KDM6A: variants seen among roughly 807,000 people sequenced by gnomAD.
The protein encoded by KDM6A is lysine demethylase 6A.
Under a neutral mutation model 117.6 loss-of-function variants are expected in KDM6A, and 11 were observed. The ratio of observed to expected loss-of-function variants is 0.09; its 90% CI spans 0.06 to 0.15. The LOEUF (loss-of-function observed/expected upper bound fraction) is 0.15, where lower values mean the gene tolerates loss of function less well. Among genes scored for constraint, KDM6A ranks in the 10% least tolerant of loss-of-function variants. KDM6A has a pLI of 1.00. For synonymous variants in KDM6A, 384 were observed against 396.1 expected (o/e 0.97, Z 0.36); for missense variants, 799 against 1,077.3 (o/e 0.74, Z 3.62).
At chrX:44,880,955 A>G (rs750273282) in intron 2 of KDM6A, among the ~76,000 whole-genome samples, 2 of 112,221 alleles carry the variant, frequency 1.8e-5, no homozygotes, top group East Asian at 5.6e-4. Context: ...TTTGAACTTG[A>G]TGTTCCTTCA....
intron 2 of KDM6A, among the ~76,000 whole-genome samples, chrX:44,930,596 G>T (rs2146957386): frequency 8.9e-6 from 1 of 112,019 alleles, no homozygotes; most frequent in African/African-American, 3.2e-5. Context: ...ATTTGCCACA[G>T]TGCAGTTTAC....
intron 2 of KDM6A, among the ~76,000 whole-genome samples, chrX:44,877,111 C>G: frequency 9.0e-6 from 1 of 111,302 alleles, no homozygotes; most frequent in Non-Finnish European, 1.9e-5. Context: ...ATGTACATAT[C>G]TATATGTGTA....
intron 2 of KDM6A, among the ~76,000 whole-genome samples, chrX:44,905,636 G>A (rs2034606303): frequency 8.9e-6 from 1 of 111,992 alleles, no homozygotes; most frequent in Non-Finnish European, 1.9e-5. Flanking sequence ...TTAAATTGCT[G>A]TTTTAAAGTT....
intron 6 of KDM6A, among the ~76,000 whole-genome samples, chrX:45,033,448 C>A (rs1276402057): frequency 1.8e-5 from 2 of 111,795 alleles, no homozygotes; most frequent in Non-Finnish European, 3.8e-5. Context: ...CTGCATTGTC[C>A]TTAGGGCATT....
intron 3 of KDM6A, among the ~76,000 whole-genome samples, chrX:44,973,034 C>A (rs868094258): frequency 4.1e-5 from 4 of 98,415 alleles, no homozygotes; most frequent in Non-Finnish European, 4.1e-5. Flanking sequence ...GACCCCATCT[C>A]AAAAAAAAAA....
chrX:44,879,316 T>C (rs1428632728), intron 2 of KDM6A, among the ~76,000 whole-genome samples: 2 of 112,333 alleles, frequency 1.8e-5, no homozygotes, highest in Non-Finnish European at 3.8e-5. Context: ...TAATAATATT[T>C]TTGAAATGTG....
Position 45,011,292 on chromosome X carries a change from T to C in KDM6A, c.443+273T>C, listed in dbSNP as rs5952284. Among the ~76,000 whole-genome samples the C allele has an allele frequency of 0.22, 24,210 of 110,768 alleles. 4,359 individuals are homozygous for C. The highest frequency in any genetic ancestry group is 0.61 in the African/African-American group (18,361 of 30,182). On this transcript the variant is annotated intron_variant, in intron 5 of 29. Coordinates refer to ENST00000611820, the MANE Select transcript of KDM6A (RefSeq NM_001291415.2). ...GATTAGAAAGCTTTTTGGAATTTCT[T>C]AGTCATTCATTATGGACTGGTGTTC... is the stretch of plus-strand genomic sequence containing the variant.
chrX:45,081,572 A>T (rs2045405597), intron 21 of KDM6A, among the ~76,000 whole-genome samples: 1 of 111,596 alleles, frequency 9.0e-6, no homozygotes, highest in Non-Finnish European at 1.9e-5. Context: ...TTACACATAT[A>T]TAGCTATGTA....
chrX:45,032,457 C>T (rs1412502965), intron 6 of KDM6A, among the ~76,000 whole-genome samples: 1 of 111,963 alleles, frequency 8.9e-6, no homozygotes, highest in Non-Finnish European at 1.9e-5. Flanking sequence ...TTATGTGGAA[C>T]GGTGTTGTTA....
chrX:45,104,907 G>A, intron 27 of KDM6A, among the ~76,000 whole-genome samples: 1 of 111,913 alleles, frequency 8.9e-6, no homozygotes, highest in Non-Finnish European at 1.9e-5. Context: ...CAGACCCCTT[G>A]TTATTTGCAG....
At chrX:45,049,073 T>C (rs760710378) in intron 8 of KDM6A, among the ~76,000 whole-genome samples, 1 of 111,491 alleles carries the variant, frequency 9.0e-6, no homozygotes, top group Admixed American at 9.5e-5. Context: ...AAGAGTAAGA[T>C]TGCTAGATTG....
chrX:45,087,613 A>G (rs961104241), intron 25 of KDM6A, among the ~76,000 whole-genome samples: 8 of 112,219 alleles, frequency 7.1e-5, no homozygotes, highest in Non-Finnish European at 1.5e-4. Flanking sequence ...TGTGCTATAG[A>G]AAGATTTTTA....
chrX:45,052,972 G>T (rs141672733), intron 9 of KDM6A, among the ~76,000 whole-genome samples: 4,272 of 111,709 alleles, frequency 0.038, 222 homozygotes, highest in African/African-American at 0.13. Context: ...TAGGATTACA[G>T]GTGTGAGCCA....
intron 2 of KDM6A, among the ~76,000 whole-genome samples, chrX:44,956,859 G>T (rs916779860): frequency 1.1e-4 from 12 of 111,323 alleles, no homozygotes; most frequent in African/African-American, 3.9e-4. Context: ...CTCATAATTG[G>T]TGGCTCACAC....
chrX:44,989,036 G>A (rs1406376642), intron 4 of KDM6A, among the ~76,000 whole-genome samples: 2 of 108,101 alleles, frequency 1.9e-5, no homozygotes, highest in Admixed American at 1.0e-4. Flanking sequence ...AGGCCTCCTT[G>A]ACCTGTGGTG....
At chrX:44,874,564 T>C (rs1004909684) in intron 2 of KDM6A, among the ~76,000 whole-genome samples, 1 of 111,494 alleles carries the variant, frequency 9.0e-6, no homozygotes, top group Non-Finnish European at 1.9e-5. Flanking sequence ...ACTTGTTTAC[T>C]TTTTGGGTCT....
intron 8 of KDM6A, among the ~76,000 whole-genome samples, chrX:45,040,942 G>A (rs2043131263): frequency 1.4e-5 from 1 of 69,207 alleles, no homozygotes; most frequent in African/African-American, 5.8e-5. Flanking sequence ...CAGTAGGGGC[G>A]GCCGGGCAGA....
At chrX:44,884,737 A>T (rs1284519711) in intron 2 of KDM6A, among the ~76,000 whole-genome samples, 1 of 111,579 alleles carries the variant, frequency 9.0e-6, no homozygotes, top group African/African-American at 3.3e-5. Flanking sequence ...CTTGGCTTTC[A>T]TAACATCCTT....
intron 7 of KDM6A, among the ~76,000 whole-genome samples, chrX:45,035,397 GT>G (rs1170008831): frequency 2.7e-5 from 3 of 111,556 alleles, no homozygotes; most frequent in Non-Finnish European, 3.8e-5. Flanking sequence ...GAAGACATTT[GT>G]GACTTTTATG....
Sources: allele counts gnomAD v4.1 joint callset (sites outside exome capture counted in the v4.1 genomes callset), GRCh38; gene constraint gnomAD v4.1.1; transcripts MANE v1.5; gene names NCBI Gene and HGNC (gene_info 2026-07-23, HGNC 2026-07-21).